Variants in SGIP1 observed in about 807,000 individuals in gnomAD.
SGIP1 encodes the protein SH3GL interacting endocytic adaptor 1, also known as SH3-containing GRB2-like protein 3-interacting protein 1.
Under a neutral mutation model 107.5 loss-of-function variants are expected in SGIP1, and 38 were observed. The observed-to-expected ratio is 0.35, with a 90% CI of 0.27 to 0.46. SGIP1 has a LOEUF of 0.46. Ranked by LOEUF, SGIP1 falls within the 20% of genes least tolerant of loss-of-function variation. SGIP1 has a pLI of 1.00. For missense variants in SGIP1, 929 were observed against 1,019.5 expected, an observed-to-expected ratio of 0.91 and a Z score of 1.21; for synonymous variants, 365 against 366.1, an observed-to-expected ratio of 1.00 and a Z score of 0.03.
chr1:66,651,006 C>T (rs545598245), intron 7 of SGIP1, among the ~76,000 whole-genome samples: 2 of 152,166 alleles, frequency 1.3e-5, no homozygotes, highest in African/African-American at 4.8e-5. Context: ...AAGGCTTAAT[C>T]GAGTGTAAAA....
At chr1:66,657,694 TTG>T (rs2080065775) in intron 7 of SGIP1, among the ~76,000 whole-genome samples, 1 of 152,124 alleles carries the variant, frequency 6.6e-6, no homozygotes, top group Admixed American at 6.5e-5. Context: ...CAGTCAGAAA[TTG>T]TGTTTTCTTA....
Position 66,536,000 on chromosome 1 carries a change from A to G in SGIP1, c.10+1632A>G, listed in dbSNP as rs536754868. Among the ~76,000 whole-genome samples the G allele has an allele frequency of 9.2e-5, 14 of 152,324 alleles. No individual in the cohort carries two copies. The South Asian group carries it at 1.5e-3, about 16-fold the overall frequency. On this transcript the variant is annotated intron_variant, in intron 1 of 24. Transcript: ENST00000371037. ...CTTTTCACTTCTTGCCTTGCAAACC[A>G]TGGCACTAAAGTATCTTCTTTGAAG...
At chr1:66,563,381 A>G (rs1156681375) in intron 1 of SGIP1, among the ~76,000 whole-genome samples, 1 of 152,014 alleles carries the variant, frequency 6.6e-6, no homozygotes, top group East Asian at 1.9e-4. Flanking sequence ...CAAGACACAA[A>G]TCTAGTCCAG....
chr1:66,602,158 A>G (rs1230667018), intron 1 of SGIP1, among the ~76,000 whole-genome samples: 1 of 152,212 alleles, frequency 6.6e-6, no homozygotes, highest in Non-Finnish European at 1.5e-5. Context: ...AAAGCTTGAA[A>G]GTCCAAATAG....
intron 21 of SGIP1, among the ~76,000 whole-genome samples, chr1:66,734,968 C>T (rs1277751554): frequency 6.6e-6 from 1 of 152,092 alleles, no homozygotes; most frequent in Non-Finnish European, 1.5e-5. Flanking sequence ...AGAACACTTT[C>T]CATTCACTTT....
At chr1:66,630,705 C>G (rs953011773) in intron 2 of SGIP1, among the ~76,000 whole-genome samples, 1 of 149,618 alleles carries the variant, frequency 6.7e-6, no homozygotes, top group Non-Finnish European at 1.5e-5. Flanking sequence ...ACTTGGGAGG[C>G]TGAGCCAGGA....
At chr1:66,676,705 T>C (rs866560014) in intron 12 of SGIP1, among the ~76,000 whole-genome samples, 4 of 152,172 alleles carry the variant, frequency 2.6e-5, no homozygotes, top group African/African-American at 9.7e-5. Context: ...GTACATGTAC[T>C]GATACTCAGA....
At chr1:66,653,002 G>A (rs1018383966) in intron 7 of SGIP1, among the ~76,000 whole-genome samples, 4 of 152,094 alleles carry the variant, frequency 2.6e-5, no homozygotes, top group African/African-American at 9.7e-5. Context: ...CAAACATGGG[G>A]CATATAAACT....
chr1:66,599,931 G>T (rs2065446835), intron 1 of SGIP1, among the ~76,000 whole-genome samples: 1 of 152,128 alleles, frequency 6.6e-6, no homozygotes, highest in Non-Finnish European at 1.5e-5. Context: ...TTTCCCTTCA[G>T]CCTTCACAGA....
At chr1:66,571,474 A>G (rs911602656) in intron 1 of SGIP1, among the ~76,000 whole-genome samples, 1 of 152,038 alleles carries the variant, frequency 6.6e-6, no homozygotes. Flanking sequence ...TTGTGGTTGG[A>G]TAAGAACAAA....
Position 66,639,843 on chromosome 1 carries a change from A to C in SGIP1, c.228+10A>C. On this transcript the variant is annotated intron_variant, in intron 5 of 24. Coordinates refer to ENST00000371037, the MANE Select transcript of SGIP1 (RefSeq NM_032291.4). Reference sequence around the variant, plus strand: ...TGATTGGGAAAGATATGTGAGTATCAGAAGAGTGTTTCTCTTTATTAAGTA... The same window carrying C: ...TGATTGGGAAAGATATGTGAGTATCCGAAGAGTGTTTCTCTTTATTAAGTA... The C allele has an allele frequency of 6.2e-7, 1 of 1,606,594 alleles. No individual in the cohort carries two copies. Among genetic ancestry groups the C allele is most frequent in the Middle Eastern group, 1.7e-4 (1 of 6,034 alleles).
intron 1 of SGIP1, among the ~76,000 whole-genome samples, chr1:66,623,096 A>G (rs182150876): frequency 2.2e-4 from 34 of 152,296 alleles, no homozygotes; most frequent in South Asian, 1.2e-3. Flanking sequence ...ATTTTAACAC[A>G]GTTGGTGTGA....
Position 66,709,871 on chromosome 1 carries a change from A to T in SGIP1, c.1631-9423A>T, listed in dbSNP as rs192253830. On this transcript the variant is annotated intron_variant, in intron 18 of 24. Transcript: ENST00000371037. ...ATGTTCTTTTAGTTCTCATCGTAGC[A>T]TTATTATTAATTAGATTAGGTGATA... is the stretch of plus-strand genomic sequence containing the variant. Among the ~76,000 whole-genome samples the T allele has an allele frequency of 8.5e-5, 13 of 152,238 alleles. No homozygotes were observed. The East Asian group carries it at 2.5e-3, about 29-fold the overall frequency.
intron 1 of SGIP1, among the ~76,000 whole-genome samples, chr1:66,576,182 G>A (rs962357811): frequency 1.3e-5 from 2 of 152,212 alleles, no homozygotes; most frequent in Non-Finnish European, 2.9e-5. Context: ...AGGAGGTACT[G>A]TGTTAGCACT....
intron 20 of SGIP1, among the ~76,000 whole-genome samples, chr1:66,732,420 T>C (rs1021034196): frequency 6.6e-6 from 1 of 152,198 alleles, no homozygotes; most frequent in Non-Finnish European, 1.5e-5. Context: ...CCAGCATCCC[T>C]AGCTCAACTG....
At chr1:66,609,503 A>G (rs1224304899) in intron 1 of SGIP1, among the ~76,000 whole-genome samples, 2 of 152,218 alleles carry the variant, frequency 1.3e-5, no homozygotes, top group Admixed American at 1.3e-4. Context: ...AGTTACTGTG[A>G]CAGATAAAAC....
At chr1:66,588,711 A>G (rs765920089) in intron 1 of SGIP1, among the ~76,000 whole-genome samples, 1 of 142,924 alleles carries the variant, frequency 7.0e-6, no homozygotes, top group South Asian at 2.2e-4. Flanking sequence ...CTCTAAGTGC[A>G]GTTAACTTTC....
intron 1 of SGIP1, among the ~76,000 whole-genome samples, chr1:66,580,919 A>G (rs992196893): frequency 2.6e-5 from 4 of 152,132 alleles, no homozygotes; most frequent in African/African-American, 9.6e-5. Context: ...TGTAACTAAC[A>G]ACCAGCTGTT....
At position 66,729,208 on chromosome 1, in the gene SGIP1, T is replaced by C. The variant is rs1415236174; in HGVS notation, c.1743-56T>C. 5.7e-6 allele frequency: 9 copies of C among 1,589,424 alleles called. No homozygotes were observed. The African/African-American group carries it at 1.1e-4, about 19-fold the overall frequency. ...AATTGTTTTTCACAGCAGTTTTGAT[T>C]CAGTGTATTGACATGGATTTTCTCT... On this transcript the variant is annotated intron_variant, in intron 19 of 24. Coordinates refer to ENST00000371037, the MANE Select transcript of SGIP1 (RefSeq NM_032291.4).
Sources: gnomAD v4.1 joint callset for allele counts (sites outside exome capture counted in the v4.1 genomes callset) on GRCh38, gnomAD v4.1.1 for gene constraint, MANE v1.5 for transcripts, NCBI Gene and HGNC (gene_info 2026-07-23, HGNC 2026-07-21) for gene names.